Variants in LITAF observed in about 807,000 individuals in gnomAD.
LITAF encodes lipopolysaccharide induced TNF factor, also known as lipopolysaccharide-induced tumor necrosis factor-alpha factor.
LITAF carries 9 observed loss-of-function variants against 14.5 expected under a neutral mutation model. The ratio of observed to expected loss-of-function variants is 0.62; its 90% confidence interval spans 0.37 to 1.08. The LOEUF is 1.08. Ranked by LOEUF, LITAF falls within the 50% of genes least tolerant of loss-of-function variation. The pLI, the probability that LITAF is intolerant of heterozygous loss-of-function variation, is 0.01. For missense variants in LITAF, 206 were observed against 213.4 expected (o/e 0.97, Z 0.22); for synonymous variants, 98 against 88.2 (o/e 1.11, Z -0.62).
chr16:11,630,517 A>G (rs750161446), intron 3 of LITAF, among the ~76,000 whole-genome samples: 2 of 148,336 alleles, frequency 1.3e-5, no homozygotes, highest in Non-Finnish European at 3.0e-5. Flanking sequence ...CTGTTGCTCC[A>G]CAGCTTCAGG....
rs886051651 is a variant in LITAF, at chr16:11,549,343, T to C, written c.*294A>G. 15 of 481,638 alleles carry C rather than the reference T, an allele frequency of 3.1e-5. No individual in the cohort carries two copies. In the East Asian group the frequency reaches 7.7e-4, roughly 25 times the overall value. The allele number at this position is 481,638 out of a possible 1,614,324, so 29.8% of individuals were successfully genotyped here. A position where few individuals can be genotyped will look rare whatever the true frequency, so the allele number is the denominator to read the frequency against. On this transcript the variant is annotated 3_prime_UTR_variant, in exon 4 of 4. Transcript: ENST00000622633. This position sits in a 1 kb window ranked among gnomAD's most constrained non-coding sequence, Gnocchi z 4.6. The stretch of plus-strand genomic sequence containing the variant: ...GGCAGATCACAGGAAGATATTCGGA[T>C]AGGGCAATGATCACAGTTAGATGGC...
chr16:11,604,765 C>CTTT (rs56271737), intron 3 of LITAF, among the ~76,000 whole-genome samples: 2 of 142,562 alleles, frequency 1.4e-5, no homozygotes, highest in Admixed American at 7.0e-5. Flanking sequence ...CTTTTCTTTT[C>CTTT]TTTTTTTTTT....
chr16:11,561,720 C>T (rs1356198079), intron 1 of LITAF: 1 of 152,098 alleles, frequency 6.6e-6, no homozygotes, highest in Non-Finnish European at 1.5e-5. Flanking sequence ...ATTTTGTTTC[C>T]CTTGTTTTGC....
intron 2 of LITAF, among the ~76,000 whole-genome samples, chr16:11,635,217 G>A (rs1195997233): frequency 6.6e-6 from 1 of 152,162 alleles, no homozygotes; most frequent in Non-Finnish European, 1.5e-5. Flanking sequence ...TGGTTATACG[G>A]ATACACAAAT....
intron 3 of LITAF, among the ~76,000 whole-genome samples, chr16:11,621,452 G>A (rs189286226): frequency 1.3e-5 from 2 of 152,122 alleles, no homozygotes; most frequent in East Asian, 3.9e-4. Flanking sequence ...CCATCCTTCT[G>A]CCTCAGCCTC....
Position 11,586,828 on chromosome 16 carries a change from C to A in LITAF, c.-6+58G>T, listed in dbSNP as rs565873940. The A allele has an allele frequency of 5.7e-4, 87 of 152,072 alleles. No individual in the cohort carries two copies. The highest frequency in any genetic ancestry group is 2.0e-3 in the Admixed American group (31 of 15,192). The allele number at this position is 152,072 out of a possible 1,614,324, so 9.4% of individuals were successfully genotyped here. On this transcript the variant is annotated intron_variant, in intron 1 of 3. Transcript: ENST00000622633. This position sits in a 1 kb window ranked among gnomAD's most constrained non-coding sequence, Gnocchi z 6.5. The stretch of plus-strand genomic sequence containing the variant: ...GGCCCCCAGCAGGTGCTGGCGCCAC[C>A]GGCCCCCCGCTGTCTCCCGCTGGTC...
At chr16:11,574,836 T>C (rs1240155802) in intron 1 of LITAF, among the ~76,000 whole-genome samples, 1 of 151,920 alleles carries the variant, frequency 6.6e-6, no homozygotes, top group East Asian at 1.9e-4. Flanking sequence ...AGAGTCTCAT[T>C]CTGTGGCCCA....
chr16:11,569,946 G>T (rs1258077729), intron 1 of LITAF, among the ~76,000 whole-genome samples: 1 of 151,638 alleles, frequency 6.6e-6, no homozygotes, highest in African/African-American at 2.4e-5. Context: ...AGGCAGAATT[G>T]CTTGAACCTG....
chr16:11,568,175 C>T lies in LITAF; in HGVS notation c.-5-11440G>A, dbSNP rs562804849. Among the ~76,000 whole-genome samples, 16 of 151,512 alleles carry T rather than the reference C, an allele frequency of 1.1e-4. No homozygotes were observed. In the South Asian group the frequency reaches 3.3e-3, roughly 32 times the overall value. On this transcript the variant is annotated intron_variant, in intron 1 of 3. Transcript: ENST00000622633. ...TGGTGGTATGCACCTGCAGTCCAAG[C>T]TACTTAAGAAGCTCAGTGGGGAGGA...
upstream of LITAF, chr16:11,587,114 C>A (rs969665675): frequency 2.0e-5 from 6 of 293,178 alleles, no homozygotes; most frequent in Non-Finnish European, 3.4e-5. Flanking sequence ...CATCCCACAC[C>A]CGGCTCGCTC....
At chr16:11,562,386 T>C (rs1276363316) in intron 1 of LITAF, among the ~76,000 whole-genome samples, 1 of 150,654 alleles carries the variant, frequency 6.6e-6, no homozygotes, top group Non-Finnish European at 1.5e-5. Flanking sequence ...GGGCCTCGCG[T>C]TTCCATGCTG....
intron 3 of LITAF, among the ~76,000 whole-genome samples, chr16:11,606,235 C>T (rs1386260063): frequency 6.6e-6 from 1 of 152,022 alleles, no homozygotes; most frequent in African/African-American, 2.4e-5. Context: ...GTGGCATGAT[C>T]TCGGCTCACT....
intron 3 of LITAF, among the ~76,000 whole-genome samples, chr16:11,625,749 C>T (rs901501353): frequency 6.6e-6 from 1 of 152,162 alleles, no homozygotes; most frequent in Non-Finnish European, 1.5e-5. Context: ...ATTCATTTTA[C>T]AGTCAGTGAG....
chr16:11,598,629 T>C (rs1254736574), upstream of LITAF: 2 of 151,860 alleles, frequency 1.3e-5, no homozygotes, highest in Non-Finnish European at 2.9e-5. Context: ...TTTTAGGAAA[T>C]GGTGAAAGCG....
intron 1 of LITAF, among the ~76,000 whole-genome samples, chr16:11,597,479 T>C (rs1206430285): frequency 1.3e-5 from 2 of 152,056 alleles, no homozygotes. Flanking sequence ...AATATTATCA[T>C]CTCCGCTTTA....
intron 3 of LITAF, chr16:11,633,424 C>T (rs1014351204): frequency 6.6e-6 from 1 of 152,200 alleles, no homozygotes; most frequent in African/African-American, 2.4e-5. Flanking sequence ...CATTTCCAGA[C>T]TGTTAGGCAT....
chr16:11,617,241 T>C (rs1196595117), intron 3 of LITAF, among the ~76,000 whole-genome samples: 1 of 150,856 alleles, frequency 6.6e-6, no homozygotes, highest in East Asian at 1.9e-4. Flanking sequence ...TAAATAGAAA[T>C]AAAAAAGATG....
chr16:11,616,354 G>A (rs1240864794), intron 3 of LITAF, among the ~76,000 whole-genome samples: 1 of 152,022 alleles, frequency 6.6e-6, no homozygotes, highest in East Asian at 1.9e-4. Flanking sequence ...GCACGTGACT[G>A]TGTTCCCAGC....
intron 3 of LITAF, among the ~76,000 whole-genome samples, chr16:11,611,001 A>G (rs2064979508): frequency 6.6e-6 from 1 of 152,026 alleles, no homozygotes; most frequent in Admixed American, 6.6e-5. Context: ...GGAAAAGTCA[A>G]GGAGAAGGCG....
Sources: gnomAD v4.1 joint callset for allele counts (sites outside exome capture counted in the v4.1 genomes callset) on GRCh38, gnomAD v4.1.1 for gene constraint, Gnocchi (gnomAD v3.1) non-coding constraint, MANE v1.5 for transcripts, NCBI Gene and HGNC (gene_info 2026-07-23, HGNC 2026-07-21) for gene names.